The following CLGN variants were observed in gnomAD, a reference collection of about 807,000 sequenced individuals.
The protein encoded by CLGN is testis tissue sperm-binding protein Li 79P.
Under a neutral mutation model 79.1 loss-of-function variants are expected in CLGN, and 62 were observed. The ratio of observed to expected loss-of-function variants is 0.78; its 90% CI spans 0.64 to 0.97. CLGN has a LOEUF of 0.97. CLGN is among the 50% of genes least tolerant of loss of function. The pLI is 0.00. For synonymous variants in CLGN, 225 were observed against 224.7 expected (o/e 1.00, Z -0.01); for missense variants, 647 against 715.5 (o/e 0.90, Z 1.09).
chr4:140,406,134 A>G (rs1221280040), intron 4 of CLGN, 51 bp from the exon 5 acceptor site: 1 of 1,554,676 alleles, frequency 6.4e-7, no homozygotes, highest in South Asian at 1.2e-5. Context: ...CATTGACCTA[A>G]GAATTATTTA....
chr4:140,406,051 G>C lies in CLGN; in HGVS notation c.310C>G (p.Gln104Glu). The C allele has an allele frequency of 6.2e-7, 1 of 1,612,384 alleles. No homozygotes were observed. The highest frequency in any genetic ancestry group is 8.5e-7 in the Non-Finnish European group (1 of 1,179,416). ...RWEIEELKEN[Q>E]VPGDRGLVLK... ...ACCAGTCCTCTGTCACCAGGTACCTGGTTTTCTTTCAACTCTTCAATTTCC... is the reference window on the plus strand; with the variant it reads ...ACCAGTCCTCTGTCACCAGGTACCTCGTTTTCTTTCAACTCTTCAATTTCC... The change falls in exon 5 of 15, where the codon CAG (glutamine) becomes GAG (glutamate). Residue 104 changes from glutamine (Q) to glutamate (E), a missense_variant. Physicochemically the swap from Gln to Glu is conservative, Grantham distance 29 (BLOSUM62 2). Coordinates refer to ENST00000325617, the MANE Select transcript of CLGN (RefSeq NM_004362.3).
In CLGN at chr4:140,410,543, G is replaced by A; in HGVS notation, c.218+10C>T. ...AATCAAAGAAAACATTCTCTTGAAT[G>A]AATACTCACCCAGCCAACCTTCCAC... On this transcript the variant is annotated intron_variant, in intron 3 of 14. Coordinates refer to ENST00000325617, the MANE Select transcript of CLGN (RefSeq NM_004362.3). 1.3e-6 allele frequency: 2 copies of A among 1,569,348 alleles called. No individual in the cohort carries two copies. Among genetic ancestry groups the A allele is most frequent in the Non-Finnish European group, 1.8e-6 (2 of 1,140,344 alleles).
chr4:140,422,245 C>T (rs1729484148), intron 1 of CLGN, among the ~76,000 whole-genome samples: 1 of 152,092 alleles, frequency 6.6e-6, no homozygotes, highest in Non-Finnish European at 1.5e-5. Flanking sequence ...CAAGATTGTT[C>T]TGGCTATTTG....
intron 1 of CLGN, among the ~76,000 whole-genome samples, chr4:140,414,535 G>C (rs1192833621): frequency 6.7e-6 from 1 of 150,328 alleles, no homozygotes; most frequent in Non-Finnish European, 1.5e-5. Context: ...ACCAAGGCTC[G>C]AGAACTACGT....
In CLGN at chr4:140,389,236, T is replaced by C. The variant is rs1728729550; in HGVS notation, c.1821A>G (p.Val607=). The stretch of plus-strand genomic sequence containing the variant: ...ATTTCAATCTAGTTTAGTCCTTTCG[T>C]ACTCTTCTTTTGCGTACTGACTTTA... ...GPIKSVRKRR[V]RKD is the part of the protein sequence containing the mutation. Residue 607 remains valine, a synonymous_variant, in exon 15 of 15, where the codon GTA becomes GTG. Transcript: ENST00000325617. 1 of 1,612,220 alleles carries C rather than the reference T, an allele frequency of 6.2e-7. No homozygotes were observed. The highest frequency in any genetic ancestry group is 8.5e-7 in the Non-Finnish European group (1 of 1,178,654).
Position 140,393,907 on chromosome 4 carries a change from A to G in CLGN, c.1284T>C (p.Ile428=), listed in dbSNP as rs542190561. Residue 428 remains isoleucine, a synonymous_variant, in exon 11 of 15, where the codon ATT becomes ATC. Transcript: ENST00000325617. ...CTGCTACTTCCTTTTCCGAACAGATAATAAAATTATCAAAGTAGATATCAG... is the reference window on the plus strand; with the variant it reads ...CTGCTACTTCCTTTTCCGAACAGATGATAAAATTATCAAAGTAGATATCAG... ...MTSDIYFDNF[I]ICSEKEVADH... is the part of the protein sequence containing the mutation. 6.2e-7 allele frequency: 1 copy of G among 1,613,778 alleles called. No individual in the cohort carries two copies. The highest frequency in any genetic ancestry group is 1.7e-5 in the Admixed American group (1 of 60,010).
chr4:140,398,831 C>T lies in CLGN; in HGVS notation c.884+20G>A, dbSNP rs773340324. ...CCTAGTTATGCCAGATAATGCTTTG[C>T]TACCGAATTATTTGCTTACCAGTCT... On this transcript the variant is annotated intron_variant, in intron 8 of 14. Coordinates refer to ENST00000325617, the MANE Select transcript of CLGN (RefSeq NM_004362.3). The T allele has an allele frequency of 2.5e-6, 4 of 1,608,576 alleles. No homozygotes were observed. In the Admixed American group the frequency reaches 6.7e-5, roughly 27 times the overall value.
At chr4:140,396,352 C>G in intron 8 of CLGN, 147 bp from the exon 9 acceptor site, 1 of 703,440 alleles carries the variant, frequency 1.4e-6, no homozygotes, top group Middle Eastern at 3.7e-4. Flanking sequence ...AAATCTTTTG[C>G]TAACTTGCCA....
chr4:140,413,405 C>T (rs972669817), intron 1 of CLGN, among the ~76,000 whole-genome samples: 5 of 152,154 alleles, frequency 3.3e-5, no homozygotes, highest in Admixed American at 6.5e-5. Flanking sequence ...GTGTGAGCGA[C>T]GCAGAAGACG....
chr4:140,419,749 G>T (rs994252779), intron 1 of CLGN, among the ~76,000 whole-genome samples: 1 of 151,918 alleles, frequency 6.6e-6, no homozygotes, highest in African/African-American at 2.4e-5. Flanking sequence ...AAAAATGATG[G>T]GTGCTGTCAT....
intron 1 of CLGN, among the ~76,000 whole-genome samples, chr4:140,420,897 A>G (rs1324485090): frequency 6.6e-6 from 1 of 152,176 alleles, no homozygotes; most frequent in South Asian, 2.1e-4. Flanking sequence ...TGTACAACTA[A>G]TTTCCAAAAC....
chr4:140,395,524 G>A (rs1728856672), intron 10 of CLGN, among the ~76,000 whole-genome samples: 1 of 152,132 alleles, frequency 6.6e-6, no homozygotes, highest in African/African-American at 2.4e-5. Context: ...TGTACAATAT[G>A]AGTCTATTTG....
At position 140,395,806 on chromosome 4, in the gene CLGN, A is replaced by T. The variant is rs761245573; in HGVS notation, c.1149+13T>A. 18 of 1,411,680 alleles carry T rather than the reference A, an allele frequency of 1.3e-5. No homozygotes were observed. The highest frequency in any genetic ancestry group is 1.7e-5 in the Non-Finnish European group (18 of 1,079,134). The allele number at this position is 1,411,680 out of a possible 1,614,324, so 87.4% of individuals were successfully genotyped here. ...TTTAACTTCACTAAATAATTGGAAC[A>T]AGCGGTTGTTACCTGATAGTTAGGA... is the stretch of plus-strand genomic sequence containing the variant. On this transcript the variant is annotated intron_variant, in intron 10 of 14. Coordinates refer to ENST00000325617, the MANE Select transcript of CLGN (RefSeq NM_004362.3).
At chr4:140,392,142 C>A in intron 13 of CLGN, 77 bp downstream of exon 13, 3 of 1,445,536 alleles carry the variant, frequency 2.1e-6, no homozygotes, top group South Asian at 1.3e-5. Flanking sequence ...AGTATAATAA[C>A]TAGTTATTTC....
At chr4:140,426,240 C>T (rs982966945) in intron 1 of CLGN, among the ~76,000 whole-genome samples, 13 of 152,142 alleles carry the variant, frequency 8.5e-5, no homozygotes, top group Admixed American at 2.6e-4. Flanking sequence ...TCATTTGTGA[C>T]GTGAACTAGA....
rs981959860 is a variant in CLGN at position 140,398,731 on chromosome 4, T to C, written c.884+120A>G. On this transcript the variant is annotated intron_variant, in intron 8 of 14. Transcript: ENST00000325617. ...TTAGAAAATATTTCACCCAAAATACTAAAAATAAGTAGTTCTGATGTTTAA... is the reference window on the plus strand; with the variant it reads ...TTAGAAAATATTTCACCCAAAATACCAAAAATAAGTAGTTCTGATGTTTAA... 8.0e-5 allele frequency: 63 copies of C among 787,728 alleles called. No individual in the cohort carries two copies. The East Asian group carries it at 1.7e-3, about 22-fold the overall frequency. 48.8% of individuals were successfully genotyped at this position (787,728 alleles called of 1,614,324 possible). A position where few individuals can be genotyped will look rare whatever the true frequency, so the allele number is the denominator to read the frequency against.
intron 5 of CLGN, among the ~76,000 whole-genome samples, chr4:140,402,480 C>T (rs555835523): frequency 2.6e-5 from 4 of 152,040 alleles, no homozygotes; most frequent in South Asian, 2.1e-4. Flanking sequence ...AAGATTTCTA[C>T]GAAATTGCTA....
chr4:140,410,681 T>A, intron 2 of CLGN, 55 bp from the exon 3 acceptor site: 1 of 1,083,986 alleles, frequency 9.2e-7, no homozygotes, highest in Non-Finnish European at 1.4e-6. Context: ...ATATTTCAAT[T>A]AAATAATCTT....
rs1272564822 is a variant in CLGN, at chr4:140,414,331, C to T, written c.-9-1244G>A. ...AAGGAATGCAGTTCCTCACCAGCAA[C>T]GGAACAAAGCTGGATGGAGAATGAC... On this transcript the variant is annotated intron_variant, in intron 1 of 14. Transcript: ENST00000325617. Among the ~76,000 whole-genome samples the T allele has an allele frequency of 1.3e-4, 19 of 151,692 alleles. No individual in the cohort carries two copies. In the East Asian group the frequency reaches 1.7e-3, roughly 14 times the overall value.
Sources: gnomAD v4.1 joint callset for allele counts (sites outside exome capture counted in the v4.1 genomes callset) on GRCh38, gnomAD v4.1.1 for gene constraint, MANE v1.5 for transcripts, NCBI Gene and HGNC (gene_info 2026-07-23, HGNC 2026-07-21) for gene names.